The following M1AP variants were observed in gnomAD, a reference collection of about 807,000 sequenced individuals.
M1AP encodes meiosis 1 associated protein, also known as meiosis 1 arrest protein.
In M1AP, 39 loss-of-function variants were observed where a neutral mutation model predicts 51.2. That is an observed-to-expected ratio of 0.76 (90% CI 0.59 to 1.00). The LOEUF is 1.00. Ranked by LOEUF, M1AP falls within the 50% of genes least tolerant of loss-of-function variation. M1AP has a pLI of 0.00. For synonymous variants in M1AP, 251 were observed against 249.2 expected, an observed-to-expected ratio of 1.01 and a Z score of -0.07; for missense variants, 545 against 641.2, an observed-to-expected ratio of 0.85 and a Z score of 1.62.
intron 7 of M1AP, among the ~76,000 whole-genome samples, chr2:74,566,045 G>T (rs899911805): frequency 6.6e-6 from 1 of 152,126 alleles, no homozygotes; most frequent in African/African-American, 2.4e-5. Flanking sequence ...AGAGATGTCT[G>T]CTCTTGCTAC....
chr2:74,631,291 G>C (rs989092486), intron 2 of M1AP, among the ~76,000 whole-genome samples: 2 of 151,876 alleles, frequency 1.3e-5, no homozygotes, highest in African/African-American at 4.8e-5. Context: ...GTCATGATTA[G>C]GAAGGCCTGT....
chr2:74,639,778 T>G (rs1025483807), intron 2 of M1AP, among the ~76,000 whole-genome samples: 25 of 152,162 alleles, frequency 1.6e-4, no homozygotes, highest in African/African-American at 6.0e-4. Context: ...AATGCCAAGG[T>G]TTCTCTCCCT....
At chr2:74,614,008 A>C (rs959639416) in intron 3 of M1AP, among the ~76,000 whole-genome samples, 3 of 152,082 alleles carry the variant, frequency 2.0e-5, no homozygotes, top group African/African-American at 7.2e-5. Flanking sequence ...GCTGCTCTTG[A>C]ACTCCTGGCC....
intron 2 of M1AP, among the ~76,000 whole-genome samples, chr2:74,622,232 CTGTT>C (rs951930643): frequency 4.0e-5 from 6 of 151,632 alleles, no homozygotes; most frequent in African/African-American, 1.5e-4. Flanking sequence ...TTTGTTTTGC[CTGTT>C]TATTTTTTAT....
intron 7 of M1AP, among the ~76,000 whole-genome samples, chr2:74,570,624 G>A: frequency 6.6e-6 from 1 of 152,222 alleles, no homozygotes; most frequent in East Asian, 1.9e-4. Flanking sequence ...GGTCTTTCAG[G>A]ATAGGGTAGG....
chr2:74,622,822 T>G (rs1263500217), intron 2 of M1AP, among the ~76,000 whole-genome samples: 1 of 151,474 alleles, frequency 6.6e-6, no homozygotes, highest in Non-Finnish European at 1.5e-5. Context: ...GGCAAAAATA[T>G]GCACGATGAG....
At chr2:74,641,959 C>T (rs901060979) in intron 1 of M1AP, among the ~76,000 whole-genome samples, 1 of 151,936 alleles carries the variant, frequency 6.6e-6, no homozygotes, top group Non-Finnish European at 1.5e-5. Context: ...GATTCTCCTG[C>T]CTCAGCCTCC....
intron 2 of M1AP, among the ~76,000 whole-genome samples, chr2:74,630,994 G>A (rs969827909): frequency 5.9e-5 from 9 of 152,124 alleles, no homozygotes; most frequent in African/African-American, 2.2e-4. Flanking sequence ...ATTCAACCTT[G>A]TCTGCAATTG....
At chr2:74,591,762 T>C (rs182591748) in intron 4 of M1AP, among the ~76,000 whole-genome samples, 17 of 152,196 alleles carry the variant, frequency 1.1e-4, no homozygotes, top group Admixed American at 9.8e-4. Context: ...AAGAAGACGC[T>C]CAAATCAAAG....
chr2:74,623,338 T>TA (rs1339444305), intron 2 of M1AP, among the ~76,000 whole-genome samples: 1 of 151,640 alleles, frequency 6.6e-6, no homozygotes, highest in Non-Finnish European at 1.5e-5. Context: ...ACCCCGTCTC[T>TA]AAAAAAAATA....
intron 1 of M1AP, among the ~76,000 whole-genome samples, chr2:74,646,585 A>T (rs1683624728): frequency 6.6e-6 from 1 of 152,236 alleles, no homozygotes; most frequent in African/African-American, 2.4e-5. Context: ...TAGGAAACTA[A>T]CCCAAACTTA....
intron 4 of M1AP, among the ~76,000 whole-genome samples, chr2:74,603,052 C>T (rs1057440942): frequency 2.0e-5 from 3 of 152,192 alleles, no homozygotes; most frequent in African/African-American, 7.2e-5. Flanking sequence ...AAGAGCTTCT[C>T]TCTCACAGAT....
intron 2 of M1AP, among the ~76,000 whole-genome samples, chr2:74,630,813 A>G (rs1211968523): frequency 1.3e-5 from 2 of 152,296 alleles, no homozygotes; most frequent in Non-Finnish European, 1.5e-5. Context: ...ATGTATCTTT[A>G]TAACAGAATG....
In M1AP at chr2:74,647,380, G is replaced by C. The variant is rs1041934370; in HGVS notation, c.-53+885C>G. 5 of 985,094 alleles carry C rather than the reference G, an allele frequency of 5.1e-6. No individual in the cohort carries two copies. The African/African-American group carries it at 8.8e-5, about 17-fold the overall frequency. The allele number at this position is 985,094 out of a possible 1,614,324, so 61.0% of individuals were successfully genotyped here. A position where few individuals can be genotyped will look rare whatever the true frequency, so the allele number is the denominator to read the frequency against. ...TACAAGCCCTCATTCACTTTGTCGCGTGATAAACGATTCAATGGTTCTCCC... is the reference window on the plus strand; with the variant it reads ...TACAAGCCCTCATTCACTTTGTCGCCTGATAAACGATTCAATGGTTCTCCC... On this transcript the variant is annotated intron_variant, in intron 1 of 10. Transcript: ENST00000421985.
intron 2 of M1AP, among the ~76,000 whole-genome samples, chr2:74,639,142 G>A (rs1438424984): frequency 6.6e-6 from 1 of 152,152 alleles, no homozygotes; most frequent in Admixed American, 6.5e-5. Context: ...CAAGAAGCAT[G>A]AAGTAATATA....
At position 74,605,297 on chromosome 2, in the gene M1AP, T is replaced by A. The variant is rs549072155; in HGVS notation, c.595+1758A>T. Among the ~76,000 whole-genome samples the A allele has an allele frequency of 2.0e-5, 3 of 152,338 alleles. No individual in the cohort carries two copies. In the South Asian group the frequency reaches 6.2e-4, roughly 32 times the overall value. ...ATACACATAAACAGGGAAGGCTACA[T>A]AATTTGTGGGCTCAGAGCAAAATGA... On this transcript the variant is annotated intron_variant, in intron 4 of 10. Coordinates refer to ENST00000421985, the MANE Select transcript of M1AP (RefSeq NM_001321739.2).
rs150883431 is a variant in M1AP at position 74,607,100 on chromosome 2, C to G, written c.550G>C (p.Glu184Gln). The change falls in exon 4 of 11, where the codon GAG becomes CAG. Residue 184 changes from glutamate to glutamine, a missense_variant. Coordinates refer to ENST00000421985, the MANE Select transcript of M1AP (RefSeq NM_001321739.2). ...QVVEVTKGIL[E>Q]HVDSASPVED... Reference sequence around the variant, plus strand: ...ACAGGAGACGCTGAGTCCACGTGCTCTAGGATTCCCTTTGTGACCTCAACG... The same window carrying G: ...ACAGGAGACGCTGAGTCCACGTGCTGTAGGATTCCCTTTGTGACCTCAACG... 3.2e-4 allele frequency: 523 copies of G among 1,614,078 alleles called. 3 individuals are homozygous for G. In the South Asian group the frequency reaches 3.4e-3, roughly 10 times the overall value.
chr2:74,598,588 A>G lies in M1AP; in HGVS notation c.595+8467T>C, dbSNP rs973316411. On this transcript the variant is annotated intron_variant, in intron 4 of 10. Coordinates refer to ENST00000421985, the MANE Select transcript of M1AP (RefSeq NM_001321739.2). ...TTCAAAAATGTATGATATTCCACCA[A>G]ACATTCCTTGTAATATTTATTCTGT... Among the ~76,000 whole-genome samples the G allele has an allele frequency of 5.7e-4, 87 of 151,612 alleles. 4 individuals carry two copies. The highest frequency in any genetic ancestry group is 2.1e-4 in the South Asian group (1 of 4,804).
At chr2:74,597,467 G>A (rs969065573) in intron 4 of M1AP, among the ~76,000 whole-genome samples, 1 of 152,156 alleles carries the variant, frequency 6.6e-6, no homozygotes, top group Non-Finnish European at 1.5e-5. Flanking sequence ...GCATAGAAGA[G>A]GCTACCCACC....
Sources: gnomAD v4.1 joint callset for allele counts (sites outside exome capture counted in the v4.1 genomes callset) on GRCh38, gnomAD v4.1.1 for gene constraint, MANE v1.5 for transcripts, NCBI Gene and HGNC (gene_info 2026-07-23, HGNC 2026-07-21) for gene names.